The following GSTA2 variants were observed in gnomAD, a reference collection of about 807,000 sequenced individuals.
GSTA2 encodes glutathione S-transferase A2.
In GSTA2, 27 loss-of-function variants were observed where a neutral mutation model predicts 22.4. The observed-to-expected ratio is 1.21, with a 90% confidence interval of 0.89 to 1.67. GSTA2 has a LOEUF of 1.67. Among genes scored for constraint, GSTA2 ranks in the 40% most tolerant of loss-of-function variants. The probability of loss-of-function intolerance (pLI) is 0.00; values close to 1 mark genes in which losing one functional copy is unlikely to be tolerated. For synonymous variants in GSTA2, 121 were observed against 86.8 expected (o/e 1.39, Z -2.19); for missense variants, 302 against 260.2 (o/e 1.16, Z -1.11).
chr6:52,759,566 T>TTTTTTTG lies in GSTA2; in HGVS notation c.-30-1590_-30-1589insCAAAAAA, dbSNP rs1762914581. On this transcript the variant is annotated intron_variant, in intron 1 of 6. Transcript: ENST00000493422. ...TTAACAACTAATGTATTTATTTGTTTTTTTTTTTTTTTTTTTTTTTTTTTT... is the reference window on the plus strand; with the variant it reads ...TTAACAACTAATGTATTTATTTGTTTTTTTTTGTTTTTTTTTTTTTTTTTTTTTTTTT... Among the ~76,000 whole-genome samples the TTTTTTTG allele has an allele frequency of 5.4e-4, 20 of 37,318 alleles. 1 individual carries two copies. The highest frequency in any genetic ancestry group is 1.2e-3 in the African/African-American group (10 of 8,132). The allele number at this position is 37,318 out of a possible 152,430, so 24.5% of individuals were successfully genotyped here.
chr6:52,751,177 T>A (rs1446460891), intron 6 of GSTA2, among the ~76,000 whole-genome samples: 2 of 152,104 alleles, frequency 1.3e-5, no homozygotes, highest in East Asian at 1.9e-4. Flanking sequence ...ACAAAATGTC[T>A]GACAGCAGGA....
At chr6:52,751,791 A>C in intron 5 of GSTA2, 83 bp from the exon 6 acceptor site, 1 of 1,598,786 alleles carries the variant, frequency 6.3e-7, no homozygotes, top group Non-Finnish European at 8.6e-7. Flanking sequence ...CTCCACCCTG[A>C]CTTTCCCCAC....
intron 6 of GSTA2, 76 bp from the exon 7 acceptor site, chr6:52,750,775 T>A: frequency 3.2e-6 from 5 of 1,557,808 alleles, no homozygotes; most frequent in South Asian, 1.2e-5. Flanking sequence ...ACCCAGGGAA[T>A]CTGAGTCCCT....
chr6:52,756,635 T>C lies in GSTA2; in HGVS notation c.88-326A>G, dbSNP rs2749005. ...TTCTTCTAGTTATGGTGTTGTCATA[T>C]CTTAGGAAAGCCTGTGTCTCCAAGT... On this transcript the variant is annotated intron_variant, in intron 2 of 6. Coordinates refer to ENST00000493422, the MANE Select transcript of GSTA2 (RefSeq NM_000846.5). 1.2e-3 allele frequency among the ~76,000 whole-genome samples: 183 copies of C among 152,164 alleles called. 1 individual carries two copies. The highest frequency in any genetic ancestry group is 2.4e-3 in the Admixed American group (36 of 15,286).
chr6:52,759,572 T>TGTTTTG lies in GSTA2; in HGVS notation c.-30-1596_-30-1595insCAAAAC, dbSNP rs1348016177. ...ACTAATGTATTTATTTGTTTTTTTTTTTTTTTTTTTTTTTTTTTTTTTTTT... is the reference window on the plus strand; with the variant it reads ...ACTAATGTATTTATTTGTTTTTTTTTGTTTTGTTTTTTTTTTTTTTTTTTTTTTTTT... On this transcript the variant is annotated intron_variant, in intron 1 of 6. Coordinates refer to ENST00000493422, the MANE Select transcript of GSTA2 (RefSeq NM_000846.5). Among the ~76,000 whole-genome samples, 3 of 52,334 alleles carry TGTTTTG rather than the reference T, an allele frequency of 5.7e-5. No homozygotes were observed. The South Asian group carries it at 2.0e-3, about 35-fold the overall frequency. 34.3% of individuals were successfully genotyped at this position (52,334 alleles called of 152,430 possible).
intron 1 of GSTA2, among the ~76,000 whole-genome samples, chr6:52,761,513 TATATC>T (rs1762949742): frequency 1.4e-5 from 2 of 145,784 alleles, no homozygotes; most frequent in Non-Finnish European, 2.9e-5. Flanking sequence ...AATCCAGACT[TATATC>T]AAATCTGTCA....
chr6:52,754,334 T>A (rs1762800542), intron 4 of GSTA2, among the ~76,000 whole-genome samples: 1 of 152,214 alleles, frequency 6.6e-6, no homozygotes, highest in Non-Finnish European at 1.5e-5. Flanking sequence ...AATCATGCAG[T>A]CTCATCACAA....
rs138041732 is a variant in GSTA2 at position 52,751,584 on chromosome 6, A to C, written c.539T>G (p.Leu180Arg). Residue 180 changes from leucine to arginine, a missense_variant, in exon 6 of 7, where the codon CTG (leucine) becomes CGG (arginine). By Grantham distance (102) the Leu-to-Arg change is moderately radical. Coordinates refer to ENST00000493422, the MANE Select transcript of GSTA2 (RefSeq NM_000846.5). ...LDSSLISSFP[L>R]LKALKTRISN... ...GACTGTGAAATGGGTCACCTTCAGC[A>C]GAGGGAAGCTGGAAATAAGGCTAGA... The C allele has an allele frequency of 6.9e-5, 111 of 1,614,092 alleles. No homozygotes were observed. In the African/African-American group the frequency reaches 1.1e-3, roughly 17 times the overall value.
chr6:52,750,775 T>G (rs1256616769), intron 6 of GSTA2, 76 bp from the exon 7 acceptor site: 4 of 1,557,808 alleles, frequency 2.6e-6, no homozygotes, highest in Non-Finnish European at 2.6e-6. Flanking sequence ...ACCCAGGGAA[T>G]CTGAGTCCCT....
In GSTA2 at chr6:52,754,991, A is replaced by G. The variant is rs868304961; in HGVS notation, c.224T>C (p.Ile75Thr). 14 of 1,613,998 alleles carry G rather than the reference A, an allele frequency of 8.7e-6. 1 individual carries two copies. In the Middle Eastern group the frequency reaches 1.8e-3, roughly 209 times the overall value. The change falls in exon 4 of 7, where the codon ATT becomes ACT. Residue 75 changes from isoleucine to threonine, a missense_variant. Physicochemically the swap from Ile to Thr is moderately conservative, Grantham distance 89. Coordinates refer to ENST00000493422, the MANE Select transcript of GSTA2 (RefSeq NM_000846.5). ...CCCATAGAGGTTGTATTTGCTGGCAATGTAGTTGAGAATGGCTCTGGTCTG... is the reference window on the plus strand; with the variant it reads ...CCCATAGAGGTTGTATTTGCTGGCAGTGTAGTTGAGAATGGCTCTGGTCTG... Reference protein sequence around the residue: ...LVQTRAILNYIASKYNLYGKD... With the variant: ...LVQTRAILNYTASKYNLYGKD...
intron 5 of GSTA2, among the ~76,000 whole-genome samples, chr6:52,752,464 A>T (rs767144366): frequency 8.5e-5 from 13 of 152,212 alleles, no homozygotes; most frequent in Non-Finnish European, 1.9e-4. Context: ...GTCTTCCTGC[A>T]TATGGTGCCA....
chr6:52,760,985 A>C (rs1762941037), intron 1 of GSTA2, among the ~76,000 whole-genome samples: 1 of 152,162 alleles, frequency 6.6e-6, no homozygotes, highest in Admixed American at 6.5e-5. Flanking sequence ...TACGTCTCTG[A>C]GGTTGTCCCA....
At chr6:52,753,394 T>C (rs1762781313) in intron 4 of GSTA2, among the ~76,000 whole-genome samples, 1 of 152,294 alleles carries the variant, frequency 6.6e-6, no homozygotes, top group African/African-American at 2.4e-5. Context: ...GTGAGTCAAA[T>C]GGCCAAAGAC....
chr6:52,759,359 C>A (rs1030261827), intron 1 of GSTA2, among the ~76,000 whole-genome samples: 1 of 152,034 alleles, frequency 6.6e-6, no homozygotes, highest in Non-Finnish European at 1.5e-5. Context: ...GAGACAGATG[C>A]AACTAATTGT....
intron 1 of GSTA2, among the ~76,000 whole-genome samples, chr6:52,758,657 G>C: frequency 6.6e-6 from 1 of 152,200 alleles, no homozygotes; most frequent in East Asian, 1.9e-4. Context: ...CCTCAGACTT[G>C]TTTAACTGTA....
intron 1 of GSTA2, among the ~76,000 whole-genome samples, chr6:52,759,582 T>TTTTTTTTTTTTTTTTTTTTTTTTTTTTG (rs1762916934): frequency 8.2e-6 from 1 of 122,088 alleles, no homozygotes; most frequent in African/African-American, 3.4e-5. Flanking sequence ...TTTTTTTTTT[T>TTTTTTTTTTTTTTTTTTTTTTTTTTTTG]TTTTTTTTTT....
In GSTA2 at chr6:52,751,745, C is replaced by A. The variant is rs193124241; in HGVS notation, c.415-37G>T. On this transcript the variant is annotated intron_variant, in intron 5 of 6. Coordinates refer to ENST00000493422, the MANE Select transcript of GSTA2 (RefSeq NM_000846.5). ...GAGGAATCAGATCAGGAACACATGCCCACCCAGGCTGGGACCCCTGCTTCT... is the reference window on the plus strand; with the variant it reads ...GAGGAATCAGATCAGGAACACATGCACACCCAGGCTGGGACCCCTGCTTCT... The A allele has an allele frequency of 1.5e-3, 2,425 of 1,613,908 alleles. 4 individuals are homozygous for A. Among genetic ancestry groups the A allele is most frequent in the Non-Finnish European group, 1.9e-3 (2,244 of 1,179,828 alleles).
At chr6:52,761,464 T>TCTATATTCTCTATATTCTCACACTA (rs1561898261) in intron 1 of GSTA2, among the ~76,000 whole-genome samples, 4 of 151,080 alleles carry the variant, frequency 2.6e-5, no homozygotes, top group Admixed American at 2.1e-4. Context: ...TTCTCTATAT[T>TCTATATTCTCTATATTCTCACACTA]TTGTCCGTAG....
At chr6:52,760,567 C>T (rs553286054) in intron 1 of GSTA2, among the ~76,000 whole-genome samples, 1 of 152,274 alleles carries the variant, frequency 6.6e-6, no homozygotes, top group Admixed American at 6.5e-5. Context: ...AGAGCTAAAG[C>T]ACCTGTCTCA....
Sources: allele counts gnomAD v4.1 joint callset (sites outside exome capture counted in the v4.1 genomes callset), GRCh38; gene constraint gnomAD v4.1.1; transcripts MANE v1.5; gene names NCBI Gene and HGNC (gene_info 2026-07-23, HGNC 2026-07-21).